Variants in ZFR2 observed in about 807,000 individuals in gnomAD.
ZFR2 encodes zinc finger RNA-binding protein 2.
ZFR2 carries 104 observed loss-of-function variants against 105.7 expected under a neutral mutation model. The observed-to-expected ratio is 0.98, with a 90% CI of 0.84 to 1.16. The LOEUF is 1.16. Among genes scored for constraint, ZFR2 ranks in the 50% most tolerant of loss-of-function variants. ZFR2 has a pLI of 0.00. For synonymous variants in ZFR2, 634 were observed against 597.7 expected (o/e 1.06, Z -0.89); for missense variants, 1,425 against 1,355.5 (o/e 1.05, Z -0.80).
chr19:3,815,790 C>T (rs1347024275), intron 13 of ZFR2, among the ~76,000 whole-genome samples: 16 of 149,476 alleles, frequency 1.1e-4, no homozygotes, highest in Non-Finnish European at 2.1e-4. Context: ...CTCGCTCTGT[C>T]GCCCAGGCTG....
intron 14 of ZFR2, among the ~76,000 whole-genome samples, chr19:3,812,679 A>G (rs1454528083): frequency 6.6e-6 from 1 of 152,032 alleles, no homozygotes; most frequent in Non-Finnish European, 1.5e-5. Context: ...TCTCTTCCCC[A>G]CACTGTACTT....
At chr19:3,849,855 C>T (rs571710741) in intron 1 of ZFR2, among the ~76,000 whole-genome samples, 10 of 152,324 alleles carry the variant, frequency 6.6e-5, no homozygotes, top group Admixed American at 4.6e-4. Context: ...GGATGTGCGA[C>T]CAACATGCAG....
chr19:3,839,895 G>A (rs1202961130), intron 1 of ZFR2, among the ~76,000 whole-genome samples: 1 of 152,134 alleles, frequency 6.6e-6, no homozygotes, highest in African/African-American at 2.4e-5. Context: ...TGTTGCCCAG[G>A]CTGGATGGAG....
intron 5 of ZFR2, among the ~76,000 whole-genome samples, chr19:3,829,748 A>C (rs1388071793): frequency 1.3e-5 from 2 of 152,156 alleles, no homozygotes; most frequent in African/African-American, 4.8e-5. Context: ...TCCTGGGCTC[A>C]AGCGATCTAC....
rs2037830506 is a variant in ZFR2 at position 3,816,865 on chromosome 19, G to A, written c.1932-20C>T. On this transcript the variant is annotated intron_variant, in intron 12 of 18. Transcript: ENST00000262961. The stretch of plus-strand genomic sequence containing the variant: ...ACGCTGCTGTGGGGACAAAGCCACA[G>A]ACGTGCGCCATCAGCGGAGAGACGC... 6.5e-7 allele frequency: 1 copy of A among 1,538,862 alleles called. No homozygotes were observed. Among genetic ancestry groups the A allele is most frequent in the Non-Finnish European group, 8.8e-7 (1 of 1,137,736 alleles).
intron 10 of ZFR2, 80 bp from the exon 11 acceptor site, chr19:3,820,370 T>G: frequency 7.5e-7 from 1 of 1,328,854 alleles, no homozygotes; most frequent in Non-Finnish European, 1.0e-6. Context: ...CACTGGGGCC[T>G]TATGCTCCCA....
intron 1 of ZFR2, among the ~76,000 whole-genome samples, chr19:3,853,463 A>G (rs527671981): frequency 1.2e-4 from 19 of 152,354 alleles, no homozygotes; most frequent in African/African-American, 4.6e-4. Context: ...TGTTGAGGTT[A>G]AATGGAAAAT....
Position 3,838,656 on chromosome 19 carries a change from G to A in ZFR2, c.54-3673C>T, listed in dbSNP as rs1430323351. ...CACATCCCACCGATCCCATCCCCCC[G>A]TGTCTATGGCTCCCGTCCCCGCTGC... On this transcript the variant is annotated intron_variant, in intron 1 of 18. Transcript: ENST00000262961. This position sits in a 1 kb window ranked among gnomAD's most constrained non-coding sequence, Gnocchi z 4.9. Among the ~76,000 whole-genome samples the A allele has an allele frequency of 6.6e-6, 1 of 152,126 alleles. No homozygotes were observed. Among genetic ancestry groups the A allele is most frequent in the African/African-American group, 2.4e-5 (1 of 41,420 alleles).
chr19:3,821,604 C>CTTT (rs56275505), intron 9 of ZFR2, 125 bp from the exon 10 acceptor site: 185 of 248,294 alleles, frequency 7.5e-4, no homozygotes, highest in South Asian at 4.0e-3. Context: ...CTCCCAAAGC[C>CTTT]TTTTTTTTTT....
chr19:3,857,975 C>T (rs1039752243), intron 1 of ZFR2, among the ~76,000 whole-genome samples: 7 of 152,172 alleles, frequency 4.6e-5, no homozygotes, highest in African/African-American at 7.2e-5. Context: ...AAGTCCTGCC[C>T]GGCACTCCCA....
At position 3,825,345 on chromosome 19, in the gene ZFR2, T is replaced by C. The variant is rs770228978; in HGVS notation, c.1098A>G (p.Thr366=). 9.4e-6 allele frequency: 15 copies of C among 1,590,346 alleles called. No homozygotes were observed. The highest frequency in any genetic ancestry group is 3.6e-5 in the Admixed American group (2 of 55,680). ...PIPTLEPALA[T]ESPPGAEAKP... is the part of the protein sequence containing the mutation. The stretch of plus-strand genomic sequence containing the variant: ...TGGCCTCTGCCCCGGGGGGGCTCTC[T>C]GTGGCCAGTGCAGGCTCGAGGGTGG... Residue 366 remains threonine, a synonymous_variant, in exon 7 of 19, where the codon ACA becomes ACG. Transcript: ENST00000262961.
At chr19:3,830,247 C>T (rs1282486332) in intron 5 of ZFR2, among the ~76,000 whole-genome samples, 1 of 151,952 alleles carries the variant, frequency 6.6e-6, no homozygotes, top group Admixed American at 6.6e-5. Context: ...GAGACTGGAC[C>T]TGGGCGACAT....
Position 3,860,038 on chromosome 19 carries a change from T to C in ZFR2, c.53+8927A>G, listed in dbSNP as rs563565092. On this transcript the variant is annotated intron_variant, in intron 1 of 18. Transcript: ENST00000262961. ...CCTCGGGAAGATACCAAAAGGACTT[T>C]TTTGCTTTTTGAGTCAGGGTCTTGC... 3.2e-4 allele frequency among the ~76,000 whole-genome samples: 48 copies of C among 152,076 alleles called. 1 individual carries two copies. In the South Asian group the frequency reaches 5.0e-3, roughly 16 times the overall value.
intron 6 of ZFR2, among the ~76,000 whole-genome samples, chr19:3,826,168 C>T (rs534093083): frequency 1.5e-4 from 23 of 152,278 alleles, no homozygotes; most frequent in Admixed American, 1.1e-3. Flanking sequence ...TTCTCTGCCC[C>T]GCTCCTTCCC....
intron 1 of ZFR2, among the ~76,000 whole-genome samples, chr19:3,849,958 C>T (rs183369126): frequency 7.2e-5 from 11 of 152,230 alleles, no homozygotes; most frequent in East Asian, 5.8e-4. Context: ...ACCCTGTGAA[C>T]GTCACAGCTG....
chr19:3,855,628 G>A (rs932468666), intron 1 of ZFR2: 40 of 429,440 alleles, frequency 9.3e-5, no homozygotes, highest in African/African-American at 8.2e-5. Context: ...TTCTCATGCC[G>A]CCGGGAAGGA....
At chr19:3,847,141 G>C (rs369613820) in intron 1 of ZFR2, among the ~76,000 whole-genome samples, 57 of 152,316 alleles carry the variant, frequency 3.7e-4, no homozygotes, top group African/African-American at 1.3e-3. Flanking sequence ...GCTTCCTCCA[G>C]AGCAAGGGAT....
chr19:3,807,195 C>T lies in ZFR2; in HGVS notation c.2620G>A (p.Glu874Lys). 6.4e-7 allele frequency: 1 copy of T among 1,557,310 alleles called. No individual in the cohort carries two copies. Residue 874 changes from glutamate to lysine, a missense_variant, in exon 18 of 19, where the codon GAA becomes AAA. Coordinates refer to ENST00000262961, the MANE Select transcript of ZFR2 (RefSeq NM_015174.2). ...ACCTGGGCGCTGGCGGTCACGTCTTCCCGCTCTTGGAGGGTCATGGGCTCG... is the reference window on the plus strand; with the variant it reads ...ACCTGGGCGCTGGCGGTCACGTCTTTCCGCTCTTGGAGGGTCATGGGCTCG... ...ALEPMTLQER[E>K]DVTASAQHAL... is the part of the protein sequence containing the mutation.
At chr19:3,835,695 A>G (rs1398383393) in intron 1 of ZFR2, among the ~76,000 whole-genome samples, 1 of 151,516 alleles carries the variant, frequency 6.6e-6, no homozygotes, top group Non-Finnish European at 1.5e-5. Context: ...CTGTAATCCC[A>G]GCACCTTGGG....
Sources: allele counts gnomAD v4.1 joint callset (sites outside exome capture counted in the v4.1 genomes callset), GRCh38; gene constraint gnomAD v4.1.1; non-coding constraint Gnocchi (gnomAD v3.1); transcripts MANE v1.5; gene names NCBI Gene and HGNC (gene_info 2026-07-23, HGNC 2026-07-21).